Variants in CDC73 observed in about 807,000 individuals in gnomAD.
The protein encoded by CDC73 is cell division cycle 73, also known as parafibromin.
Under a neutral mutation model 83.7 loss-of-function variants are expected in CDC73, and 21 were observed. That is an observed-to-expected ratio of 0.25 (90% CI 0.18 to 0.36). The LOEUF is 0.36. Among genes scored for constraint, CDC73 ranks in the 10% least tolerant of loss-of-function variants. The probability of loss-of-function intolerance (pLI) is 1.00; values close to 1 mark genes in which losing one functional copy is unlikely to be tolerated. For missense variants in CDC73, 342 were observed against 653.3 expected, an observed-to-expected ratio of 0.52 and a Z score of 5.19; for synonymous variants, 224 against 212.9, an observed-to-expected ratio of 1.05 and a Z score of -0.45.
intron 6 of CDC73, among the ~76,000 whole-genome samples, chr1:193,140,232 T>C (rs930230247): frequency 4.6e-5 from 7 of 152,230 alleles, no homozygotes; most frequent in African/African-American, 1.4e-4. Flanking sequence ...TTGCTTGATA[T>C]CTAGCATCTA....
chr1:193,203,893 A>G (rs1250499538), intron 11 of CDC73, 41 bp downstream of exon 11: 2 of 1,545,386 alleles, frequency 1.3e-6, no homozygotes, highest in South Asian at 1.1e-5. Flanking sequence ...CTTTCAAAAG[A>G]TCGTAACAGT....
At chr1:193,204,120 T>C (rs1163129929) in intron 11 of CDC73, among the ~76,000 whole-genome samples, 1 of 151,276 alleles carries the variant, frequency 6.6e-6, no homozygotes, top group Non-Finnish European at 1.5e-5. Context: ...GCATAGTAAA[T>C]TATTTATTTT....
At chr1:193,133,855 C>T (rs1269421842) in intron 3 of CDC73, among the ~76,000 whole-genome samples, 1 of 151,160 alleles carries the variant, frequency 6.6e-6, no homozygotes, top group African/African-American at 2.4e-5. Flanking sequence ...ATGAAAAATG[C>T]TTAATATCAT....
At chr1:193,140,748 C>T (rs900965099) in intron 6 of CDC73, among the ~76,000 whole-genome samples, 1 of 152,160 alleles carries the variant, frequency 6.6e-6, no homozygotes, top group African/African-American at 2.4e-5. Flanking sequence ...AAGATTTCAG[C>T]AGGCTACTCA....
chr1:193,170,030 T>C (rs138645129), intron 10 of CDC73, among the ~76,000 whole-genome samples: 32 of 152,304 alleles, frequency 2.1e-4, no homozygotes, highest in African/African-American at 7.2e-4. Flanking sequence ...CTGCCACTTA[T>C]ACGTGAGAAC....
chr1:193,243,671 A>G (rs1314124121), intron 15 of CDC73, among the ~76,000 whole-genome samples: 1 of 152,062 alleles, frequency 6.6e-6, no homozygotes, highest in African/African-American at 2.4e-5. Flanking sequence ...TGAGTTTTAA[A>G]TTTTTTTTAA....
At chr1:193,243,793 C>G (rs963477880) in intron 15 of CDC73, among the ~76,000 whole-genome samples, 1 of 151,932 alleles carries the variant, frequency 6.6e-6, no homozygotes, top group African/African-American at 2.4e-5. Context: ...TAATTTATGT[C>G]TGATGAAGAG....
chr1:193,232,717 G>A (rs1235860159), intron 13 of CDC73, among the ~76,000 whole-genome samples: 1 of 151,854 alleles, frequency 6.6e-6, no homozygotes, highest in Non-Finnish European at 1.5e-5. Flanking sequence ...CCTGACCAAC[G>A]TGGTGAAACC....
chr1:193,153,512 T>C (rs1676156823), intron 10 of CDC73, among the ~76,000 whole-genome samples: 1 of 152,228 alleles, frequency 6.6e-6, no homozygotes, highest in African/African-American at 2.4e-5. Flanking sequence ...GGAATCATTA[T>C]ATATGTGCTG....
chr1:193,189,249 C>T (rs1017301095), intron 10 of CDC73, among the ~76,000 whole-genome samples: 5 of 152,098 alleles, frequency 3.3e-5, no homozygotes, highest in Admixed American at 6.6e-5. Flanking sequence ...CCACAGTGCC[C>T]AGCCAACCTG....
chr1:193,204,349 G>A (rs1400784829), intron 11 of CDC73, among the ~76,000 whole-genome samples: 1 of 149,006 alleles, frequency 6.7e-6, no homozygotes, highest in Non-Finnish European at 1.5e-5. Context: ...GAGTACACTG[G>A]CGCCATCTCA....
rs541757887 is a variant in CDC73, at chr1:193,122,197, G to A, written c.-4G>A. Reference sequence around the variant, plus strand: ...CCGAGCCGGCGGAGGCGAGGGGGGGGAAGATGGCGGACGTGCTTAGCGTCC... The same window carrying A: ...CCGAGCCGGCGGAGGCGAGGGGGGGAAAGATGGCGGACGTGCTTAGCGTCC... On this transcript the variant is annotated 5_prime_UTR_variant, in exon 1 of 17. Transcript: ENST00000367435. 10 of 1,613,312 alleles carry A rather than the reference G, an allele frequency of 6.2e-6. No homozygotes were observed. The South Asian group carries it at 7.7e-5, about 12-fold the overall frequency.
At chr1:193,158,070 T>C (rs1215652718) in intron 10 of CDC73, among the ~76,000 whole-genome samples, 1 of 151,292 alleles carries the variant, frequency 6.6e-6, no homozygotes, top group East Asian at 1.9e-4. Context: ...TATAGCTTTA[T>C]TGTACTTATA....
intron 11 of CDC73, among the ~76,000 whole-genome samples, chr1:193,204,247 A>ATGTGTG (rs1233894531): frequency 2.3e-4 from 28 of 123,088 alleles, no homozygotes; most frequent in African/African-American, 7.4e-4. Flanking sequence ...ACGTATATAT[A>ATGTGTG]TGTGTATGTG....
At chr1:193,155,516 G>T (rs1676192788) in intron 10 of CDC73, among the ~76,000 whole-genome samples, 1 of 152,162 alleles carries the variant, frequency 6.6e-6, no homozygotes, top group South Asian at 2.1e-4. Context: ...AGTGGCTCAT[G>T]CCTGTAATCC....
intron 10 of CDC73, among the ~76,000 whole-genome samples, chr1:193,159,236 A>G (rs1299382286): frequency 6.6e-5 from 10 of 152,222 alleles, no homozygotes. Flanking sequence ...TGTTTGTTAC[A>G]GCAAATTAAG....
intron 15 of CDC73, among the ~76,000 whole-genome samples, chr1:193,247,702 T>C (rs1229527749): frequency 2.0e-5 from 3 of 152,120 alleles, no homozygotes; most frequent in Admixed American, 6.6e-5. Context: ...TTATTGCTGA[T>C]ATGGGGAAAG....
chr1:193,133,687 A>G (rs1675734902), intron 3 of CDC73, among the ~76,000 whole-genome samples: 1 of 152,202 alleles, frequency 6.6e-6, no homozygotes, highest in Admixed American at 6.5e-5. Context: ...TATAAAAAAC[A>G]AAAGACATGA....
intron 15 of CDC73, among the ~76,000 whole-genome samples, chr1:193,245,336 CT>C (rs895015629): frequency 2.0e-4 from 31 of 151,946 alleles, no homozygotes; most frequent in Non-Finnish European, 3.7e-4. Flanking sequence ...ATGAGTTCAA[CT>C]TTTTTTTAGC....
Sources: allele counts gnomAD v4.1 joint callset (sites outside exome capture counted in the v4.1 genomes callset), GRCh38; gene constraint gnomAD v4.1.1; transcripts MANE v1.5; gene names NCBI Gene and HGNC (gene_info 2026-07-23, HGNC 2026-07-21).